BLTP3B: variants seen among roughly 807,000 people sequenced by gnomAD.
BLTP3B encodes the protein bridge-like lipid transfer protein family member 3B, also known as UHRF1 (ICBP90) binding protein 1-like.
chr12:100,057,755 AAAATTATT>A, the BLTP3B span: 1 of 1,584,196 alleles, frequency 6.3e-7, no homozygotes. Flanking sequence ...CACTGTTAAC[AAAATTATT>A]AGAAAATTAT....
the BLTP3B span, among the ~76,000 whole-genome samples, chr12:100,056,128 G>C: frequency 7.4e-4 from 112 of 152,256 alleles, no homozygotes; most frequent in African/African-American, 2.6e-3. Context: ...TTCATGTGTT[G>C]GCAAAGTGAT....
the BLTP3B span, among the ~76,000 whole-genome samples, chr12:100,109,610 A>G: frequency 6.6e-6 from 1 of 152,042 alleles, no homozygotes; most frequent in Non-Finnish European, 1.5e-5. Context: ...CTAAAAATAC[A>G]AAAATATTAG....
chr12:100,059,249 A>G, the BLTP3B span: 1 of 1,613,986 alleles, frequency 6.2e-7, no homozygotes, highest in Non-Finnish European at 8.5e-7. Flanking sequence ...ATTGGGGAGT[A>G]ATATTTCCTT....
At chr12:100,055,677 CAAAAAAA>C in the BLTP3B span, among the ~76,000 whole-genome samples, 1 of 83,372 alleles carries the variant, frequency 1.2e-5, no homozygotes, top group Non-Finnish European at 2.7e-5. Flanking sequence ...AACTACATCT[CAAAAAAA>C]AAAAAAAAAA....
At chr12:100,055,825 G>A in the BLTP3B span, among the ~76,000 whole-genome samples, 2 of 152,194 alleles carry the variant, frequency 1.3e-5, no homozygotes, top group African/African-American at 4.8e-5. Flanking sequence ...TACCTCACAG[G>A]GTTGAGGCAA....
the BLTP3B span, among the ~76,000 whole-genome samples, chr12:100,121,877 T>C: frequency 2.0e-5 from 3 of 152,168 alleles, no homozygotes; most frequent in Admixed American, 6.6e-5. Context: ...GTGCAGTGTA[T>C]TGCCTATAAA....
At chr12:100,037,084 A>C in the BLTP3B span, 2 of 879,198 alleles carry the variant, frequency 2.3e-6, no homozygotes, top group Non-Finnish European at 1.4e-6. Flanking sequence ...TTCCAAACCC[A>C]TTAATTATAT....
At chr12:100,139,182 A>G in the BLTP3B span, among the ~76,000 whole-genome samples, 8 of 152,224 alleles carry the variant, frequency 5.3e-5, no homozygotes, top group Admixed American at 6.5e-5. Context: ...AACTGGAGAG[A>G]TGTTTGGAAT....
chr12:100,104,953 C>T, the BLTP3B span, among the ~76,000 whole-genome samples: 1 of 139,620 alleles, frequency 7.2e-6, no homozygotes, highest in East Asian at 2.2e-4. Flanking sequence ...AAGATCTCCA[C>T]ATGGAGAACT....
At chr12:100,078,092 T>C in the BLTP3B span, among the ~76,000 whole-genome samples, 1 of 152,152 alleles carries the variant, frequency 6.6e-6, no homozygotes, top group Non-Finnish European at 1.5e-5. Flanking sequence ...CTAAATCTCA[T>C]GTTCAATTGT....
At chr12:100,130,062 A>G in the BLTP3B span, among the ~76,000 whole-genome samples, 1 of 152,068 alleles carries the variant, frequency 6.6e-6, no homozygotes, top group African/African-American at 2.4e-5. Context: ...GGTTCAAGTG[A>G]TTCTCCTGCC....
At chr12:100,049,484 G>T in the BLTP3B span, among the ~76,000 whole-genome samples, 1 of 152,134 alleles carries the variant, frequency 6.6e-6, no homozygotes, top group South Asian at 2.1e-4. Context: ...TTAAAGATGT[G>T]TGTATTTATT....
the BLTP3B span, chr12:100,128,609 C>T: frequency 2.3e-6 from 3 of 1,282,734 alleles, no homozygotes; most frequent in Non-Finnish European, 3.0e-6. Context: ...AAAAAGGTCC[C>T]TATTCCTGGT....
the BLTP3B span, chr12:100,097,610 CAT>C: frequency 1.1e-4 from 146 of 1,282,818 alleles, no homozygotes; most frequent in Admixed American, 2.6e-4. Context: ...TTAATTTTCA[CAT>C]GACATTTTAG....
At chr12:100,142,868 G>GA in the BLTP3B span, 1 of 504,696 alleles carries the variant, frequency 2.0e-6, no homozygotes, top group Non-Finnish European at 3.4e-6. Context: ...CATCACCTAA[G>GA]AGACTCGGTG....
chr12:100,070,051 G>GA, the BLTP3B span: 37 of 1,393,640 alleles, frequency 2.7e-5, 1 homozygote, highest in African/African-American at 3.3e-4. Flanking sequence ...AAAAAACAAT[G>GA]AATTTAGATT....
the BLTP3B span, chr12:100,070,071 A>C: frequency 1.4e-6 from 2 of 1,434,260 alleles, no homozygotes; most frequent in Admixed American, 5.2e-5. Flanking sequence ...TTACAAGACA[A>C]TGCTTGAGTT....
the BLTP3B span, among the ~76,000 whole-genome samples, chr12:100,108,166 T>C: frequency 2.6e-5 from 4 of 152,238 alleles, no homozygotes; most frequent in African/African-American, 9.6e-5. Flanking sequence ...ATTAATGGAA[T>C]CACTTTACAC....
the BLTP3B span, among the ~76,000 whole-genome samples, chr12:100,091,577 A>C: frequency 1.1e-4 from 16 of 150,808 alleles, no homozygotes; most frequent in African/African-American, 2.0e-4. Flanking sequence ...ATCTCGGCTC[A>C]CTGCAAGCTC....
Sources: gnomAD v4.1 joint callset for allele counts (sites outside exome capture counted in the v4.1 genomes callset) on GRCh38, gnomAD v4.1.1 for gene constraint, MANE v1.5 for transcripts, NCBI Gene and HGNC (gene_info 2026-07-23, HGNC 2026-07-21) for gene names.